TMX2: variants seen among roughly 807,000 people sequenced by gnomAD.
TMX2 encodes thioredoxin related transmembrane protein 2.
TMX2 carries 20 observed loss-of-function variants against 33.4 expected under a neutral mutation model. The ratio of observed to expected loss-of-function variants is 0.60; its 90% CI spans 0.42 to 0.87. TMX2 has a LOEUF of 0.87. Among genes scored for constraint, TMX2 ranks in the 40% least tolerant of loss-of-function variants. The pLI, the probability that TMX2 is intolerant of heterozygous loss-of-function variation, is 0.00. For missense variants in TMX2, 340 were observed against 370.7 expected (o/e 0.92, Z 0.68); for synonymous variants, 166 against 140.7 (o/e 1.18, Z -1.27).
At position 57,712,624 on chromosome 11, in the gene TMX2, G is replaced by C. The variant is rs1354611948; in HGVS notation, c.6G>C (p.Ala2=). The C allele has an allele frequency of 6.2e-7, 1 of 1,611,228 alleles. No homozygotes were observed. The highest frequency in any genetic ancestry group is 2.2e-5 in the East Asian group (1 of 44,848). The part of the protein sequence containing the change: M[A]VLAPLIALVY... ...TGGCCGTTACGGCCGAAAAGATGGC[G>C]GTCTTGGCACCTCTAATTGCTCTCG... is the stretch of plus-strand genomic sequence containing the variant. The change falls in exon 1 of 8, where the codon GCG becomes GCC. Residue 2 remains alanine (A), a synonymous_variant. Coordinates refer to ENST00000278422, the MANE Select transcript of TMX2 (RefSeq NM_015959.4).
chr11:57,718,844 C>T (rs982836144), intron 1 of TMX2, among the ~76,000 whole-genome samples: 3 of 149,978 alleles, frequency 2.0e-5, no homozygotes, highest in South Asian at 4.2e-4. Flanking sequence ...TTAGTAGAGA[C>T]GGGGTTTCAC....
chr11:57,713,065 G>A (rs2135432544), intron 1 of TMX2, among the ~76,000 whole-genome samples: 1 of 152,290 alleles, frequency 6.6e-6, no homozygotes, highest in East Asian at 1.9e-4. Flanking sequence ...GTTTCTTTCT[G>A]TTTCACCATT....
chr11:57,738,143 T>C, intron 3 of TMX2, 117 bp downstream of exon 3: 2 of 825,356 alleles, frequency 2.4e-6, no homozygotes, highest in Admixed American at 5.0e-5. Flanking sequence ...CATACCCTTC[T>C]TCCATATCTC....
chr11:57,727,802 C>T (rs768702005), intron 1 of TMX2, among the ~76,000 whole-genome samples: 32 of 152,156 alleles, frequency 2.1e-4, no homozygotes, highest in Non-Finnish European at 3.8e-4. Context: ...GATTTACAAC[C>T]TGCTCTCTCT....
At chr11:57,716,526 G>A (rs1590902857) in intron 1 of TMX2, among the ~76,000 whole-genome samples, 4 of 122,404 alleles carry the variant, frequency 3.3e-5, no homozygotes, top group East Asian at 2.7e-4. Context: ...CCGGGCAGAG[G>A]CGCCCCTCAC....
chr11:57,720,678 G>A (rs1382534856), intron 1 of TMX2, among the ~76,000 whole-genome samples: 1 of 152,344 alleles, frequency 6.6e-6, no homozygotes, highest in East Asian at 1.9e-4. Flanking sequence ...GATTACAGGC[G>A]TGAGCCATCG....
chr11:57,740,663 AT>A lies in TMX2; in HGVS notation c.*422del, dbSNP rs936512087. ...GATGCTGGGGTATAGAACGCTAAGA[AT>A]TTTCCCCCAAGGACTCTTGCTTCCT... On this transcript the variant is annotated 3_prime_UTR_variant, in exon 8 of 8. Transcript: ENST00000278422. The A allele has an allele frequency of 6.3e-6, 1 of 159,158 alleles. No individual in the cohort carries two copies. The highest frequency in any genetic ancestry group is 2.4e-5 in the African/African-American group (1 of 41,534). The allele number at this position is 159,158 out of a possible 1,614,324, so 9.9% of individuals were successfully genotyped here. A position where few individuals can be genotyped will look rare whatever the true frequency, so the allele number is the denominator to read the frequency against.
chr11:57,732,309 T>C lies in TMX2; in HGVS notation c.190-5299T>C, dbSNP rs1029407803. On this transcript the variant is annotated intron_variant, in intron 1 of 7. Coordinates refer to ENST00000278422, the MANE Select transcript of TMX2 (RefSeq NM_015959.4). Reference sequence around the variant, plus strand: ...TTTGTACTTTTTCCAGCCCCCAAAATGAGTCATTACCTTTACCAGAACCCA... The same window carrying C: ...TTTGTACTTTTTCCAGCCCCCAAAACGAGTCATTACCTTTACCAGAACCCA... Among the ~76,000 whole-genome samples, 29 of 152,334 alleles carry C rather than the reference T, an allele frequency of 1.9e-4. No individual in the cohort carries two copies. The South Asian group carries it at 2.3e-3, about 12-fold the overall frequency.
At chr11:57,725,718 C>G (rs1395790803) in intron 1 of TMX2, among the ~76,000 whole-genome samples, 2 of 151,624 alleles carry the variant, frequency 1.3e-5, no homozygotes, top group African/African-American at 4.8e-5. Context: ...GCCTGGGCGA[C>G]AGAGTGAGAC....
chr11:57,725,120 G>C (rs577071298), intron 1 of TMX2, among the ~76,000 whole-genome samples: 1 of 151,920 alleles, frequency 6.6e-6, no homozygotes, highest in South Asian at 2.1e-4. Flanking sequence ...TTCTAGTACT[G>C]TAAAACTGAA....
intron 1 of TMX2, among the ~76,000 whole-genome samples, chr11:57,722,759 C>G (rs977683249): frequency 1.3e-5 from 2 of 151,592 alleles, no homozygotes; most frequent in African/African-American, 4.9e-5. Context: ...TTTTTTTCCC[C>G]CACTGGAAAT....
At position 57,719,677 on chromosome 11, in the gene TMX2, C is replaced by T. The variant is rs186881234; in HGVS notation, c.189+6870C>T. 1.2e-3 allele frequency among the ~76,000 whole-genome samples: 187 copies of T among 151,684 alleles called. 2 individuals carry two copies. The highest frequency in any genetic ancestry group is 6.3e-4 in the Non-Finnish European group (43 of 67,894). On this transcript the variant is annotated intron_variant, in intron 1 of 7. Transcript: ENST00000278422. ...GATTATAGGTGCACACCACCACGCC[C>T]GGCTAATTTTTGTATTTTTTGTAGA...
At chr11:57,718,845 G>A (rs1340301015) in intron 1 of TMX2, among the ~76,000 whole-genome samples, 2 of 149,898 alleles carry the variant, frequency 1.3e-5, no homozygotes, top group African/African-American at 2.5e-5. Flanking sequence ...TAGTAGAGAC[G>A]GGGTTTCACC....
In TMX2 at chr11:57,737,889, A is replaced by G. The variant is rs747660206; in HGVS notation, c.251-24A>G. ...ATATAGGAGTGCACAGCCCAGCCTGACCTGTGACATCTCTGTGTTTCAGTC... is the reference window on the plus strand; with the variant it reads ...ATATAGGAGTGCACAGCCCAGCCTGGCCTGTGACATCTCTGTGTTTCAGTC... On this transcript the variant is annotated intron_variant, in intron 2 of 7. Transcript: ENST00000278422. The G allele has an allele frequency of 3.7e-6, 6 of 1,614,104 alleles. No individual in the cohort carries two copies. In the Admixed American group the frequency reaches 6.7e-5, roughly 18 times the overall value.
At position 57,723,335 on chromosome 11, in the gene TMX2, T is replaced by G. The variant is rs143737198; in HGVS notation, c.189+10528T>G. 5.1e-3 allele frequency among the ~76,000 whole-genome samples: 771 copies of G among 150,096 alleles called. 8 individuals are homozygous for G. The highest frequency in any genetic ancestry group is 0.018 in the African/African-American group (737 of 40,722). On this transcript the variant is annotated intron_variant, in intron 1 of 7. Coordinates refer to ENST00000278422, the MANE Select transcript of TMX2 (RefSeq NM_015959.4). Reference sequence around the variant, plus strand: ...TCTCTACTAACAATACAAAAAAAATTAGCTGGGTATGGTGGTATGCACCTG... The same window carrying G: ...TCTCTACTAACAATACAAAAAAAATGAGCTGGGTATGGTGGTATGCACCTG...
chr11:57,729,309 G>A (rs1040316494), intron 1 of TMX2, among the ~76,000 whole-genome samples: 3 of 152,064 alleles, frequency 2.0e-5, no homozygotes, highest in African/African-American at 7.3e-5. Flanking sequence ...GAAAACTATA[G>A]AGTTCTAGGT....
At chr11:57,733,038 T>C (rs2135592435) in intron 1 of TMX2, among the ~76,000 whole-genome samples, 2 of 152,232 alleles carry the variant, frequency 1.3e-5, no homozygotes, top group Admixed American at 1.3e-4. Flanking sequence ...TGGTAAGTAT[T>C]TATGTATCTA....
intron 1 of TMX2, among the ~76,000 whole-genome samples, chr11:57,726,889 G>C (rs1160469960): frequency 1.3e-5 from 2 of 152,048 alleles, no homozygotes; most frequent in African/African-American, 4.8e-5. Context: ...TTATCACAGG[G>C]TTCAAATAAC....
chr11:57,737,752 C>G, intron 2 of TMX2, 84 bp downstream of exon 2: 1 of 1,566,446 alleles, frequency 6.4e-7, no homozygotes, highest in Non-Finnish European at 8.8e-7. Context: ...GAGTGGCAAT[C>G]ATTTGGTAAA....
Sources: gnomAD v4.1 joint callset for allele counts (sites outside exome capture counted in the v4.1 genomes callset) on GRCh38, gnomAD v4.1.1 for gene constraint, MANE v1.5 for transcripts, NCBI Gene and HGNC (gene_info 2026-07-23, HGNC 2026-07-21) for gene names.